ATP8A2: variants seen among roughly 807,000 people sequenced by gnomAD.
ATP8A2 encodes the protein ATPase phospholipid transporting 8A2.
A neutral mutation model predicts 165.6 loss-of-function variants in ATP8A2; 100 were observed. That is an observed-to-expected ratio of 0.60 (90% confidence interval 0.51 to 0.71). The LOEUF is 0.71. Ranked by LOEUF, ATP8A2 falls within the 30% of genes least tolerant of loss-of-function variation. ATP8A2 has a pLI of 0.00. For missense variants in ATP8A2, 1,227 were observed against 1,479.5 expected (o/e 0.83, Z 2.80); for synonymous variants, 543 against 548.8 (o/e 0.99, Z 0.15).
chr13:25,385,669 T>G (rs1427103290), intron 1 of ATP8A2, among the ~76,000 whole-genome samples: 3 of 152,188 alleles, frequency 2.0e-5, no homozygotes, highest in Non-Finnish European at 4.4e-5. Context: ...TTGGACAGTT[T>G]AATGATCCCC....
chr13:25,955,814 A>G (rs1434952524), intron 33 of ATP8A2, among the ~76,000 whole-genome samples: 1 of 152,220 alleles, frequency 6.6e-6, no homozygotes, highest in Non-Finnish European at 1.5e-5. Flanking sequence ...CCTGGCAGAG[A>G]CACAACAAAA....
intron 24 of ATP8A2, among the ~76,000 whole-genome samples, chr13:25,695,528 A>G (rs915298890): frequency 1.5e-4 from 23 of 152,240 alleles, no homozygotes; most frequent in African/African-American, 5.3e-4. Flanking sequence ...ATTGGAATCA[A>G]TTATCCCAAA....
At chr13:25,708,218 A>G (rs9581434) in intron 25 of ATP8A2, among the ~76,000 whole-genome samples, 7,272 of 152,290 alleles carry the variant, frequency 0.048, 212 homozygotes, top group Middle Eastern at 0.099. Flanking sequence ...AGAAAAGAAA[A>G]TCAAGAACAG....
chr13:25,577,218 C>T (rs111655780), intron 20 of ATP8A2, 80 bp downstream of exon 20: 198 of 1,170,306 alleles, frequency 1.7e-4, no homozygotes, highest in Non-Finnish European at 2.4e-4. Context: ...CTGCTTTCCT[C>T]ATCATTCCCT....
intron 24 of ATP8A2, among the ~76,000 whole-genome samples, chr13:25,606,789 T>C (rs1167652447): frequency 6.6e-6 from 1 of 152,200 alleles, no homozygotes; most frequent in Non-Finnish European, 1.5e-5. Context: ...GCTAGTCACA[T>C]GTGGTTATTA....
chr13:25,732,532 G>A (rs1371221306), intron 25 of ATP8A2, among the ~76,000 whole-genome samples: 1 of 152,188 alleles, frequency 6.6e-6, no homozygotes, highest in Non-Finnish European at 1.5e-5. Flanking sequence ...TGTAATTCAT[G>A]GCCAAGAATA....
At chr13:25,431,692 T>G (rs1301858670) in intron 1 of ATP8A2, among the ~76,000 whole-genome samples, 3 of 152,264 alleles carry the variant, frequency 2.0e-5, no homozygotes, top group African/African-American at 7.2e-5. Flanking sequence ...TATTATTTTT[T>G]AAAGCTTACC....
At chr13:25,923,906 A>C (rs1954528537) in intron 33 of ATP8A2, among the ~76,000 whole-genome samples, 1 of 152,214 alleles carries the variant, frequency 6.6e-6, no homozygotes, top group Non-Finnish European at 1.5e-5. Context: ...CTCTGGCTGC[A>C]TAAGACATTG....
rs73479692 is a variant in ATP8A2 at position 25,549,604 on chromosome 13, A to G, written c.892-1734A>G. Among the ~76,000 whole-genome samples the G allele has an allele frequency of 7.0e-3, 1,067 of 151,986 alleles. 15 individuals are homozygous for G. Among genetic ancestry groups the G allele is most frequent in the African/African-American group, 0.024 (1,009 of 41,416 alleles). On this transcript the variant is annotated intron_variant, in intron 10 of 36. Coordinates refer to ENST00000381655, the MANE Select transcript of ATP8A2 (RefSeq NM_016529.6). The stretch of plus-strand genomic sequence containing the variant: ...CACCCCCAGGAATGGATTATAAATA[A>G]TTCCCCTGTGGCTTTCCTCTCTTCA...
At chr13:25,428,685 A>AC (rs1314239375) in intron 1 of ATP8A2, among the ~76,000 whole-genome samples, 1 of 152,014 alleles carries the variant, frequency 6.6e-6, no homozygotes, top group African/African-American at 2.4e-5. Context: ...AGTATAACAG[A>AC]CCCCCAAATA....
rs140983441 is a variant in ATP8A2, at chr13:25,803,431, TG to T, written c.2680-24685del. 3.9e-3 allele frequency among the ~76,000 whole-genome samples: 596 copies of T among 152,340 alleles called. 5 individuals are homozygous for T. The highest frequency in any genetic ancestry group is 0.014 in the African/African-American group (575 of 41,580). The stretch of plus-strand genomic sequence containing the variant: ...AACATAGTAATTTAGTAGAGGTTCA[TG>T]GAGTCAATTTAAGGAATATCCCATG... On this transcript the variant is annotated intron_variant, in intron 27 of 36. Coordinates refer to ENST00000381655, the MANE Select transcript of ATP8A2 (RefSeq NM_016529.6).
At chr13:25,821,380 A>T (rs149090078) in intron 27 of ATP8A2, among the ~76,000 whole-genome samples, 1 of 152,224 alleles carries the variant, frequency 6.6e-6, no homozygotes, top group East Asian at 1.9e-4. Flanking sequence ...TGTCTTGATT[A>T]TACCGAATTC....
intron 33 of ATP8A2, among the ~76,000 whole-genome samples, chr13:25,960,732 A>G (rs565240421): frequency 6.6e-6 from 1 of 152,036 alleles, no homozygotes; most frequent in South Asian, 2.1e-4. Context: ...CTTTTGCCCT[A>G]AGTTCTCTTT....
At chr13:25,380,777 T>C (rs558431001) in intron 1 of ATP8A2, among the ~76,000 whole-genome samples, 120 of 152,188 alleles carry the variant, frequency 7.9e-4, no homozygotes, top group Non-Finnish European at 1.4e-3. Flanking sequence ...CCCCCATTGC[T>C]ACACAGGGAA....
chr13:25,621,043 G>A (rs146915173), intron 24 of ATP8A2, among the ~76,000 whole-genome samples: 1 of 152,248 alleles, frequency 6.6e-6, no homozygotes, highest in East Asian at 1.9e-4. Flanking sequence ...TGATGTTGCC[G>A]TTGGGCCTCC....
At chr13:25,656,078 C>T (rs2137659091) in intron 24 of ATP8A2, among the ~76,000 whole-genome samples, 1 of 152,320 alleles carries the variant, frequency 6.6e-6, no homozygotes, top group South Asian at 2.1e-4. Flanking sequence ...CCCTGTGTAA[C>T]CTTGGACCCA....
chr13:25,417,224 G>T (rs115651890), intron 1 of ATP8A2, among the ~76,000 whole-genome samples: 1,975 of 152,182 alleles, frequency 0.013, 51 homozygotes, highest in African/African-American at 0.045. Flanking sequence ...CCCAGTTTAG[G>T]CTGAGCCAGG....
chr13:25,860,296 T>G (rs779983094), intron 31 of ATP8A2, 40 bp downstream of exon 31: 1 of 1,374,776 alleles, frequency 7.3e-7, no homozygotes, highest in Non-Finnish European at 1.0e-6. Context: ...CTTAAACAGC[T>G]TATGTGTGGC....
intron 1 of ATP8A2, among the ~76,000 whole-genome samples, chr13:25,442,431 T>C (rs897903867): frequency 2.6e-5 from 4 of 152,206 alleles, no homozygotes; most frequent in African/African-American, 9.6e-5. Context: ...TGTTTTTCTT[T>C]TTGACAGAGT....
Sources: allele counts gnomAD v4.1 joint callset (sites outside exome capture counted in the v4.1 genomes callset), GRCh38; gene constraint gnomAD v4.1.1; transcripts MANE v1.5; gene names NCBI Gene and HGNC (gene_info 2026-07-23, HGNC 2026-07-21).